PARPBP: variants seen among roughly 807,000 people sequenced by gnomAD.
PARPBP encodes the protein PARP1 binding protein.
Under a neutral mutation model 50.0 loss-of-function variants are expected in PARPBP, and 52 were observed. The ratio of observed to expected loss-of-function variants is 1.04; its 90% CI spans 0.83 to 1.31. PARPBP has a LOEUF of 1.31. Among genes scored for constraint, PARPBP ranks in the 50% most tolerant of loss-of-function variants. PARPBP has a pLI of 0.00. For synonymous variants in PARPBP, 244 were observed against 232.1 expected (o/e 1.05, Z -0.47); for missense variants, 697 against 672.0 (o/e 1.04, Z -0.41).
At position 102,197,458 on chromosome 12, in the gene PARPBP, A is replaced by G. The variant is rs896621089; in HGVS notation, c.*1167A>G. The G allele has an allele frequency of 1.0e-4, 147 of 1,429,020 alleles. No individual in the cohort carries two copies. The highest frequency in any genetic ancestry group is 1.3e-4 in the Non-Finnish European group (139 of 1,053,530). 88.5% of individuals were successfully genotyped at this position (1,429,020 alleles called of 1,614,324 possible). ...TATAAAAGTATCAGTTTTACTTTTC[A>G]GAGGATTTGTAAGAATCATTTAAAT... On this transcript the variant is annotated 3_prime_UTR_variant, in exon 11 of 11. Coordinates refer to ENST00000327680, the MANE Select transcript of PARPBP (RefSeq NM_017915.5).
chr12:102,139,157 A>G (rs1305959443), intron 2 of PARPBP, among the ~76,000 whole-genome samples: 1 of 151,946 alleles, frequency 6.6e-6, no homozygotes, highest in Non-Finnish European at 1.5e-5. Context: ...GTCCTCTTTT[A>G]TTTCATTGAG....
In PARPBP at chr12:102,152,358, C is replaced by T. The variant is rs560910788; in HGVS notation, c.388-1511C>T. ...TTCCAGATCAAGGTTCCAGTTCTCCCTGGGAGCACCCACATTTCTTTTAAG... is the reference window on the plus strand; with the variant it reads ...TTCCAGATCAAGGTTCCAGTTCTCCTTGGGAGCACCCACATTTCTTTTAAG... On this transcript the variant is annotated intron_variant, in intron 3 of 10. Transcript: ENST00000327680. Among the ~76,000 whole-genome samples, 18 of 152,320 alleles carry T rather than the reference C, an allele frequency of 1.2e-4. No homozygotes were observed. The South Asian group carries it at 3.5e-3, about 30-fold the overall frequency.
chr12:102,170,514 G>T (rs1888582025), intron 6 of PARPBP, among the ~76,000 whole-genome samples: 1 of 152,180 alleles, frequency 6.6e-6, no homozygotes, highest in Non-Finnish European at 1.5e-5. Context: ...CATTGAAAAG[G>T]TCCTGTTCAG....
chr12:102,131,394 G>C (rs757074356), intron 2 of PARPBP, among the ~76,000 whole-genome samples: 15 of 152,176 alleles, frequency 9.9e-5, no homozygotes, highest in Non-Finnish European at 2.1e-4. Flanking sequence ...TGTTGGGGGA[G>C]TGTAAATTAG....
At chr12:102,174,634 A>G (rs923738131) in intron 6 of PARPBP, among the ~76,000 whole-genome samples, 1 of 152,180 alleles carries the variant, frequency 6.6e-6, no homozygotes, top group African/African-American at 2.4e-5. Context: ...CTGCCTTTCC[A>G]GTGATACCTC....
intron 1 of PARPBP, among the ~76,000 whole-genome samples, chr12:102,121,273 C>T (rs570795210): frequency 6.6e-6 from 1 of 151,914 alleles, no homozygotes; most frequent in Admixed American, 6.6e-5. Context: ...AGGAGTGTTA[C>T]GTGTTTATAT....
chr12:102,171,792 C>T (rs369133041), intron 6 of PARPBP, among the ~76,000 whole-genome samples: 2 of 151,868 alleles, frequency 1.3e-5, no homozygotes, highest in Non-Finnish European at 2.9e-5. Flanking sequence ...TGGCGTGAAC[C>T]CGGGAGGCGG....
At chr12:102,128,143 A>G (rs1594435398) in intron 2 of PARPBP, among the ~76,000 whole-genome samples, 1 of 152,202 alleles carries the variant, frequency 6.6e-6, no homozygotes, top group Non-Finnish European at 1.5e-5. Flanking sequence ...CAGAAACTGT[A>G]TATACTTTGA....
At chr12:102,141,206 C>T (rs548378432) in intron 2 of PARPBP, among the ~76,000 whole-genome samples, 1 of 152,258 alleles carries the variant, frequency 6.6e-6, no homozygotes, top group East Asian at 1.9e-4. Flanking sequence ...GTTAGCTCTT[C>T]TTGTTGAATT....
At chr12:102,177,354 C>T (rs1009308787) in intron 7 of PARPBP, among the ~76,000 whole-genome samples, 7 of 152,272 alleles carry the variant, frequency 4.6e-5, no homozygotes, top group Middle Eastern at 3.4e-3. Context: ...ATTATCATTG[C>T]CTCTATTTTG....
chr12:102,137,194 C>T (rs544235885), intron 2 of PARPBP, among the ~76,000 whole-genome samples: 1 of 152,246 alleles, frequency 6.6e-6, no homozygotes, highest in African/African-American at 2.4e-5. Context: ...ACTTCGTGAT[C>T]CACCCGCCTC....
At chr12:102,123,041 A>T (rs1026509647) in intron 1 of PARPBP, among the ~76,000 whole-genome samples, 8 of 152,344 alleles carry the variant, frequency 5.3e-5, no homozygotes, top group Non-Finnish European at 1.2e-4. Context: ...GTGGTCATAC[A>T]GGACACAATT....
intron 2 of PARPBP, among the ~76,000 whole-genome samples, chr12:102,137,120 A>AT (rs1291903898): frequency 6.6e-6 from 1 of 151,822 alleles, no homozygotes; most frequent in Non-Finnish European, 1.5e-5. Flanking sequence ...CGCCTAGCTA[A>AT]TTTTTTGTAT....
chr12:102,152,285 A>G (rs181842796), intron 3 of PARPBP, among the ~76,000 whole-genome samples: 9 of 152,344 alleles, frequency 5.9e-5, no homozygotes, highest in Admixed American at 3.9e-4. Flanking sequence ...CTGTTTTAAG[A>G]GACAGGTGTA....
rs115421447 is a variant in PARPBP at position 102,178,780 on chromosome 12, G to C, written c.1184+10G>C. On this transcript the variant is annotated intron_variant, in intron 8 of 10. Transcript: ENST00000327680. ...TTCTTACACTTTTTAGGTAAGTTAT[G>C]TGGAAGTTATATGTGTTATAAATGT... 3.2e-6 allele frequency: 5 copies of C among 1,560,070 alleles called. No individual in the cohort carries two copies. The South Asian group carries it at 5.9e-5, about 19-fold the overall frequency.
intron 4 of PARPBP, among the ~76,000 whole-genome samples, chr12:102,164,122 A>G (rs369581557): frequency 4.1e-4 from 62 of 152,244 alleles, no homozygotes; most frequent in African/African-American, 1.3e-3. Flanking sequence ...CTGAATTCCA[A>G]CTTAATACTC....
intron 2 of PARPBP, among the ~76,000 whole-genome samples, chr12:102,128,025 G>A (rs1270176527): frequency 2.0e-5 from 3 of 152,066 alleles, no homozygotes; most frequent in Non-Finnish European, 4.4e-5. Context: ...CATTTTTGTG[G>A]TGATAACAAT....
chr12:102,120,802 A>G lies in PARPBP; in HGVS notation c.-4+516A>G, dbSNP rs370254679. ...GTAGGAATTCCCTTCCTGGTTTTGC[A>G]GGTGAAGAAACTTATGCTCATTAGA... is the stretch of plus-strand genomic sequence containing the variant. On this transcript the variant is annotated intron_variant, in intron 1 of 10. Transcript: ENST00000327680. Among the ~76,000 whole-genome samples the G allele has an allele frequency of 1.1e-4, 17 of 152,270 alleles. 1 individual carries two copies. Among genetic ancestry groups the G allele is most frequent in the Admixed American group, 2.0e-4 (3 of 15,304 alleles).
intron 6 of PARPBP, among the ~76,000 whole-genome samples, chr12:102,171,103 A>G (rs1467712583): frequency 6.6e-6 from 1 of 151,062 alleles, no homozygotes; most frequent in African/African-American, 2.4e-5. Flanking sequence ...CACCTTCTTC[A>G]GGAATACCTC....
Sources: gnomAD v4.1 joint callset for allele counts (sites outside exome capture counted in the v4.1 genomes callset) on GRCh38, gnomAD v4.1.1 for gene constraint, MANE v1.5 for transcripts, NCBI Gene and HGNC (gene_info 2026-07-23, HGNC 2026-07-21) for gene names.